The following RFC3 variants were observed in gnomAD, a reference collection of about 807,000 sequenced individuals.
RFC3 encodes the protein A1 38 kDa subunit.
RFC3 carries 41 observed loss-of-function variants against 45.1 expected under a neutral mutation model. That is an observed-to-expected ratio of 0.91 (90% CI 0.71 to 1.18). RFC3 has a LOEUF of 1.18. Among genes scored for constraint, RFC3 ranks in the 50% most tolerant of loss-of-function variants. RFC3 has a pLI of 0.00. For missense variants in RFC3, 423 were observed against 428.1 expected, an observed-to-expected ratio of 0.99 and a Z score of 0.10; for synonymous variants, 149 against 144.0, an observed-to-expected ratio of 1.03 and a Z score of -0.25.
In RFC3 at chr13:33,827,421, G is replaced by A. The variant is rs572243794; in HGVS notation, c.391+1535G>A. Among the ~76,000 whole-genome samples the A allele has an allele frequency of 2.8e-4, 42 of 152,274 alleles. 1 individual carries two copies. The Middle Eastern group carries it at 0.017, about 62-fold the overall frequency. ...ACATCACTATACAAAATAATGATAT[G>A]TGTATGTAAATATAGGAAATATTGT... is the stretch of plus-strand genomic sequence containing the variant. On this transcript the variant is annotated intron_variant, in intron 4 of 8. Transcript: ENST00000380071.
downstream of RFC3, among the ~76,000 whole-genome samples, chr13:33,966,892 C>T (rs2083090499): frequency 6.6e-6 from 1 of 152,110 alleles, no homozygotes; most frequent in Non-Finnish European, 1.5e-5. Flanking sequence ...CGTGGTGGCT[C>T]ACACCCATAA....
chr13:33,836,556 A>C lies in RFC3; in HGVS notation c.*261A>C. ...ATTTACTTTAAGCATTGGTTATTCA[A>C]GTATTCATTGTTGATCCTCCTATTC... is the stretch of plus-strand genomic sequence containing the variant. On this transcript the variant is annotated 3_prime_UTR_variant, in exon 9 of 9. Transcript: ENST00000380071. 1 of 1,158,492 alleles carries C rather than the reference A, an allele frequency of 8.6e-7. No homozygotes were observed. The highest frequency in any genetic ancestry group is 3.2e-5 in the South Asian group (1 of 31,628). 71.8% of individuals were successfully genotyped at this position (1,158,492 alleles called of 1,614,324 possible). A position where few individuals can be genotyped will look rare whatever the true frequency, so the allele number is the denominator to read the frequency against.
At chr13:33,863,133 C>T (rs759701222) in intron 8 of RFC3, among the ~76,000 whole-genome samples, 1 of 152,152 alleles carries the variant, frequency 6.6e-6, no homozygotes, top group Non-Finnish European at 1.5e-5. Flanking sequence ...ATGTTCCTTC[C>T]AGTCATAAAG....
chr13:33,868,415 C>A (rs1214243729), intron 8 of RFC3, among the ~76,000 whole-genome samples: 1 of 105,136 alleles, frequency 9.5e-6, no homozygotes, highest in Non-Finnish European at 2.4e-5. Flanking sequence ...ACCCAACTTA[C>A]AAAGGGATAA....
Position 33,821,196 on chromosome 13 carries a change from G to T in RFC3, c.152G>T (p.Arg51Ile). Reference sequence around the variant, plus strand: ...CCATCAGGTGCTGGAAAAAAGACAAGAATTATGTGTATTCTACGTGAACTT... The same window carrying T: ...CCATCAGGTGCTGGAAAAAAGACAATAATTATGTGTATTCTACGTGAACTT... The part of the protein sequence containing the change: ...YGPSGAGKKT[R>I]IMCILRELYG... Residue 51 changes from arginine to isoleucine, a missense_variant, in exon 2 of 9, where the codon AGA becomes ATA. Transcript: ENST00000380071. 6.2e-7 allele frequency: 1 copy of T among 1,613,646 alleles called. No individual in the cohort carries two copies. Among genetic ancestry groups the T allele is most frequent in the Non-Finnish European group, 8.5e-7 (1 of 1,179,712 alleles).
At chr13:33,913,746 G>C (rs554425754) in intron 8 of RFC3, among the ~76,000 whole-genome samples, 1 of 152,182 alleles carries the variant, frequency 6.6e-6, no homozygotes. Flanking sequence ...TCAATCTCTG[G>C]TAGTTACTGT....
At chr13:33,872,895 A>G (rs2082421872) in intron 8 of RFC3, among the ~76,000 whole-genome samples, 1 of 150,904 alleles carries the variant, frequency 6.6e-6, no homozygotes, top group Non-Finnish European at 1.5e-5. Flanking sequence ...TCTCTGAAAA[A>G]TAAATGAAGA....
chr13:33,909,353 G>A (rs867874099), intron 8 of RFC3, among the ~76,000 whole-genome samples: 3 of 151,872 alleles, frequency 2.0e-5, no homozygotes, highest in Admixed American at 1.3e-4. Context: ...TCTTAGACAC[G>A]GGCTTCTCCT....
intron 8 of RFC3, among the ~76,000 whole-genome samples, chr13:33,950,107 C>CA (rs1351188993): frequency 4.3e-5 from 6 of 138,512 alleles, no homozygotes; most frequent in Admixed American, 7.3e-5. Context: ...ACACACACAC[C>CA]CCGTTATGGT....
chr13:33,900,119 A>G (rs1315492372), intron 8 of RFC3, among the ~76,000 whole-genome samples: 2 of 152,074 alleles, frequency 1.3e-5, no homozygotes, highest in African/African-American at 2.4e-5. Context: ...AAATGTACAG[A>G]ATCAATGCAA....
chr13:33,851,308 G>T (rs928612185), intron 8 of RFC3, among the ~76,000 whole-genome samples: 1 of 152,144 alleles, frequency 6.6e-6, no homozygotes, highest in Admixed American at 6.6e-5. Context: ...GGGGGTTGGA[G>T]CATCAACCCG....
At chr13:33,943,946 G>A (rs888977559) in intron 8 of RFC3, among the ~76,000 whole-genome samples, 2 of 152,240 alleles carry the variant, frequency 1.3e-5, no homozygotes, top group South Asian at 4.2e-4. Flanking sequence ...TGTCAATTTA[G>A]GGTATGTCTT....
intron 8 of RFC3, among the ~76,000 whole-genome samples, chr13:33,845,047 GGATAT>G (rs2082227346): frequency 6.6e-6 from 1 of 152,146 alleles, no homozygotes; most frequent in South Asian, 2.1e-4. Flanking sequence ...TATTTTCACA[GGATAT>G]AAGTCTAGGA....
intron 8 of RFC3, among the ~76,000 whole-genome samples, chr13:33,856,156 G>A (rs2082307761): frequency 6.6e-6 from 1 of 152,144 alleles, no homozygotes; most frequent in South Asian, 2.1e-4. Flanking sequence ...ATGGTATAAG[G>A]AAGTAAAACA....
chr13:33,926,099 A>G (rs2082810581), intron 8 of RFC3, among the ~76,000 whole-genome samples: 2 of 151,296 alleles, frequency 1.3e-5, no homozygotes, highest in South Asian at 2.1e-4. Flanking sequence ...TCAGTAAACT[A>G]TCACAGGAAC....
chr13:33,913,105 AC>A (rs374146502), intron 8 of RFC3, among the ~76,000 whole-genome samples: 54 of 152,256 alleles, frequency 3.5e-4, no homozygotes, highest in African/African-American at 1.3e-3. Context: ...TTTGTGGGTC[AC>A]CCAGGTGTGT....
At chr13:33,925,188 A>G (rs1197303679) in intron 8 of RFC3, among the ~76,000 whole-genome samples, 1 of 140,602 alleles carries the variant, frequency 7.1e-6, no homozygotes, top group Non-Finnish European at 1.5e-5. Flanking sequence ...ATACACATAT[A>G]GTGTACTATA....
intron 8 of RFC3, among the ~76,000 whole-genome samples, chr13:33,891,680 C>CTTTTTTTATATTAT (rs1179767401): frequency 6.6e-6 from 1 of 152,106 alleles, no homozygotes; most frequent in African/African-American, 2.4e-5. Context: ...GACCTAAGCA[C>CTTTTTTTATATTAT]ACAGCCAACT....
intron 8 of RFC3, chr13:33,848,046 A>G (rs1307089202): frequency 6.6e-6 from 1 of 152,148 alleles, no homozygotes; most frequent in Non-Finnish European, 1.5e-5. Flanking sequence ...TTTATATACC[A>G]TCTATTAGCT....
Sources: allele counts gnomAD v4.1 joint callset (sites outside exome capture counted in the v4.1 genomes callset), GRCh38; gene constraint gnomAD v4.1.1; transcripts MANE v1.5; gene names NCBI Gene and HGNC (gene_info 2026-07-23, HGNC 2026-07-21).